MYOM1: variants seen among roughly 807,000 people sequenced by gnomAD.
The protein encoded by MYOM1 is myomesin-1.
A neutral mutation model predicts 205.3 loss-of-function variants in MYOM1; 164 were observed. That is an observed-to-expected ratio of 0.80 (90% CI 0.70 to 0.91). The LOEUF (loss-of-function observed/expected upper bound fraction) is 0.91, where lower values mean the gene tolerates loss of function less well. MYOM1 is among the 40% of genes least tolerant of loss of function. MYOM1 has a pLI of 0.00. For missense variants in MYOM1, 2,011 were observed against 2,127.3 expected, an observed-to-expected ratio of 0.95 and a Z score of 1.08; for synonymous variants, 772 against 789.4, an observed-to-expected ratio of 0.98 and a Z score of 0.37.
chr18:3,145,009 G>A (rs1029055972), intron 13 of MYOM1, among the ~76,000 whole-genome samples: 5 of 152,062 alleles, frequency 3.3e-5, no homozygotes, highest in Non-Finnish European at 7.4e-5. Context: ...CTCAACAATA[G>A]CAGAATACTA....
At chr18:3,138,540 G>GT (rs1168885385) in intron 14 of MYOM1, among the ~76,000 whole-genome samples, 1 of 152,162 alleles carries the variant, frequency 6.6e-6, no homozygotes, top group Non-Finnish European at 1.5e-5. Context: ...TCCTTGCAGT[G>GT]TTTTTTATGA....
chr18:3,212,409 A>G (rs2081201831), intron 2 of MYOM1, among the ~76,000 whole-genome samples: 1 of 152,344 alleles, frequency 6.6e-6, no homozygotes, highest in East Asian at 1.9e-4. Context: ...TGTTTTCACA[A>G]TAAAATTTGC....
At chr18:3,212,620 C>T (rs2081204464) in intron 2 of MYOM1, among the ~76,000 whole-genome samples, 1 of 152,180 alleles carries the variant, frequency 6.6e-6, no homozygotes, top group Admixed American at 6.5e-5. Context: ...AATAAGTACA[C>T]AAGGAGTTAC....
At chr18:3,123,021 C>T (rs1291038892) in intron 19 of MYOM1, among the ~76,000 whole-genome samples, 5 of 152,124 alleles carry the variant, frequency 3.3e-5, no homozygotes, top group African/African-American at 7.2e-5. Context: ...GAGACGGTGT[C>T]GTGCTGTGTT....
chr18:3,132,552 T>G (rs192210969), intron 16 of MYOM1, among the ~76,000 whole-genome samples: 276 of 152,250 alleles, frequency 1.8e-3, no homozygotes, highest in African/African-American at 6.3e-3. Context: ...ACGGATTATT[T>G]CATCACCCAG....
intron 17 of MYOM1, 88 bp downstream of exon 17, chr18:3,131,287 C>T: frequency 7.0e-7 from 1 of 1,430,588 alleles, no homozygotes; most frequent in Non-Finnish European, 9.6e-7. Flanking sequence ...ATATTGGAAG[C>T]TAAATAATTT....
chr18:3,099,679 T>G (rs1331363320), intron 25 of MYOM1, among the ~76,000 whole-genome samples: 1 of 152,226 alleles, frequency 6.6e-6, no homozygotes, highest in Non-Finnish European at 1.5e-5. Context: ...ATTCTTTTTC[T>G]GACGAAGGCA....
At chr18:3,133,523 G>A (rs2079907984) in intron 16 of MYOM1, among the ~76,000 whole-genome samples, 1 of 152,166 alleles carries the variant, frequency 6.6e-6, no homozygotes, top group African/African-American at 2.4e-5. Context: ...TTGTTTTGGT[G>A]TAACTATGTC....
chr18:3,215,238 A>G lies in MYOM1; in HGVS notation c.-15T>C, dbSNP rs1433272773. 6.3e-7 allele frequency: 1 copy of G among 1,595,166 alleles called. No individual in the cohort carries two copies. Among genetic ancestry groups the G allele is most frequent in the South Asian group, 1.1e-5 (1 of 88,782 alleles). ...GGCAAAGACATCCTGTGCCCCTTGA[A>G]GGAACCGGGCCACCTGAAGGAAAAC... On this transcript the variant is annotated 5_prime_UTR_variant, in exon 2 of 38. Transcript: ENST00000356443.
chr18:3,242,898 C>G, the MYOM1 span, among the ~76,000 whole-genome samples: 2 of 151,932 alleles, frequency 1.3e-5, no homozygotes, highest in African/African-American at 2.4e-5. Context: ...TTTTTGTTTG[C>G]TTTATTCATA....
At chr18:3,078,528 C>T (rs2079046421) in intron 34 of MYOM1, among the ~76,000 whole-genome samples, 1 of 152,048 alleles carries the variant, frequency 6.6e-6, no homozygotes, top group Admixed American at 6.6e-5. Flanking sequence ...CTCCAGGGCC[C>T]AAGTGATCAT....
chr18:3,177,596 C>T (rs1283024336), intron 5 of MYOM1, among the ~76,000 whole-genome samples: 2 of 151,970 alleles, frequency 1.3e-5, no homozygotes, highest in East Asian at 1.9e-4. Context: ...CTCAGCCTCC[C>T]CAGTAGCTGG....
At chr18:3,109,454 C>T (rs1252966727) in intron 22 of MYOM1, among the ~76,000 whole-genome samples, 1 of 152,192 alleles carries the variant, frequency 6.6e-6, no homozygotes, top group Non-Finnish European at 1.5e-5. Context: ...TGATGTTCTG[C>T]TATCAAAGTA....
At chr18:3,140,133 G>A (rs1214608081) in intron 14 of MYOM1, among the ~76,000 whole-genome samples, 3 of 152,142 alleles carry the variant, frequency 2.0e-5, no homozygotes, top group South Asian at 2.1e-4. Flanking sequence ...GCAGCCGGGC[G>A]TGGTGGGTCA....
In MYOM1 at chr18:3,202,161, T is replaced by C. The variant is rs946336366; in HGVS notation, c.291-8203A>G. On this transcript the variant is annotated intron_variant, in intron 2 of 37. Coordinates refer to ENST00000356443, the MANE Select transcript of MYOM1 (RefSeq NM_003803.4). ...AAATAAGTTAATATGTATATTGTAATTCCTAAGGCAATCCCTAGGAAAATA... is the reference window on the plus strand; with the variant it reads ...AAATAAGTTAATATGTATATTGTAACTCCTAAGGCAATCCCTAGGAAAATA... Among the ~76,000 whole-genome samples, 3 of 152,262 alleles carry C rather than the reference T, an allele frequency of 2.0e-5. 1 individual carries two copies. The Middle Eastern group carries it at 0.01, about 518-fold the overall frequency.
chr18:3,115,371 T>A (rs941952520), intron 21 of MYOM1, among the ~76,000 whole-genome samples: 3 of 152,202 alleles, frequency 2.0e-5, no homozygotes, highest in African/African-American at 7.2e-5. Flanking sequence ...TAGTTTAGAG[T>A]GGCTGGAAAT....
At chr18:3,097,648 C>T (rs764070652) in intron 25 of MYOM1, among the ~76,000 whole-genome samples, 51 of 152,196 alleles carry the variant, frequency 3.4e-4, no homozygotes, top group Non-Finnish European at 5.4e-4. Context: ...CTCAAGTGAT[C>T]CTCCCGCCTT....
intron 23 of MYOM1, among the ~76,000 whole-genome samples, chr18:3,101,149 A>C (rs1477063931): frequency 1.3e-5 from 2 of 152,242 alleles, no homozygotes; most frequent in African/African-American, 4.8e-5. Context: ...AGAAATTTAC[A>C]GCATGGTGGC....
At chr18:3,212,912 A>G (rs2081208500) in intron 2 of MYOM1, among the ~76,000 whole-genome samples, 1 of 152,250 alleles carries the variant, frequency 6.6e-6, no homozygotes, top group East Asian at 1.9e-4. Flanking sequence ...TCTGCAGCCA[A>G]TGTGTGATCC....
Sources: gnomAD v4.1 joint callset for allele counts (sites outside exome capture counted in the v4.1 genomes callset) on GRCh38, gnomAD v4.1.1 for gene constraint, MANE v1.5 for transcripts, NCBI Gene and HGNC (gene_info 2026-07-23, HGNC 2026-07-21) for gene names.